COG5: variants seen among roughly 807,000 people sequenced by gnomAD.
COG5 encodes component of oligomeric golgi complex 5.
Under a neutral mutation model 110.4 loss-of-function variants are expected in COG5, and 86 were observed. That is an observed-to-expected ratio of 0.78 (90% CI 0.65 to 0.93). The LOEUF is 0.93. COG5 is among the 40% of genes least tolerant of loss of function. The pLI, the probability that COG5 is intolerant of heterozygous loss-of-function variation, is 0.00. For missense variants in COG5, 1,077 were observed against 987.0 expected, an observed-to-expected ratio of 1.09 and a Z score of -1.22; for synonymous variants, 360 against 334.6, an observed-to-expected ratio of 1.08 and a Z score of -0.83.
intron 10 of COG5, among the ~76,000 whole-genome samples, chr7:107,360,907 G>A (rs971334362): frequency 5.3e-5 from 8 of 152,222 alleles, no homozygotes; most frequent in African/African-American, 1.4e-4. Context: ...GGGCATGAGC[G>A]ATATTCAGGC....
chr7:107,394,720 G>A (rs913453721), intron 7 of COG5, among the ~76,000 whole-genome samples: 19 of 152,050 alleles, frequency 1.2e-4, no homozygotes, highest in African/African-American at 4.3e-4. Flanking sequence ...ATTGAAATTA[G>A]AAATAAAAAG....
intron 7 of COG5, among the ~76,000 whole-genome samples, chr7:107,392,101 A>C (rs901300382): frequency 6.6e-6 from 1 of 152,034 alleles, no homozygotes; most frequent in Admixed American, 6.5e-5. Flanking sequence ...CGCCCCTAAA[A>C]AACCATTATT....
intron 21 of COG5, chr7:107,209,252 G>A (rs1183458594): frequency 3.0e-6 from 3 of 985,108 alleles, no homozygotes; most frequent in Non-Finnish European, 3.6e-6. Flanking sequence ...AACAGAGTGG[G>A]TTTGAGGAAT....
At chr7:107,349,439 C>CAGTG (rs1206030006) in intron 10 of COG5, among the ~76,000 whole-genome samples, 1 of 152,106 alleles carries the variant, frequency 6.6e-6, no homozygotes, top group African/African-American at 2.4e-5. Context: ...TGCTCTGTCG[C>CAGTG]CCAGGCTGGA....
chr7:107,398,577 C>G lies in COG5; in HGVS notation c.669+13925G>C, dbSNP rs561718094. 2.6e-5 allele frequency among the ~76,000 whole-genome samples: 4 copies of G among 152,320 alleles called. No homozygotes were observed. The South Asian group carries it at 8.3e-4, about 32-fold the overall frequency. On this transcript the variant is annotated intron_variant, in intron 7 of 21. Transcript: ENST00000297135. The stretch of plus-strand genomic sequence containing the variant: ...ATCCCAAAACCACCACCTCTGCCCC[C>G]ACATGTGTGGAAAAACTGTCTTCCA...
At chr7:107,390,292 CA>C (rs1317869272) in intron 7 of COG5, among the ~76,000 whole-genome samples, 1 of 152,122 alleles carries the variant, frequency 6.6e-6, no homozygotes, top group African/African-American at 2.4e-5. Flanking sequence ...TCAGTACAAA[CA>C]GCTGCTTTTG....
intron 6 of COG5, among the ~76,000 whole-genome samples, chr7:107,426,704 A>T (rs1335118816): frequency 6.6e-6 from 1 of 152,118 alleles, no homozygotes. Flanking sequence ...TCAAAATATG[A>T]ATTTGGGGGA....
chr7:107,392,742 T>G (rs985278234), intron 7 of COG5, among the ~76,000 whole-genome samples: 6 of 152,060 alleles, frequency 3.9e-5, no homozygotes, highest in Non-Finnish European at 7.4e-5. Context: ...CACTGCTTTA[T>G]GAAAAAGTCA....
intron 6 of COG5, among the ~76,000 whole-genome samples, chr7:107,511,979 C>G (rs76159267): frequency 0.28 from 42,221 of 152,086 alleles, 5,909 homozygotes; most frequent in East Asian, 0.33. Flanking sequence ...CCTTTGAAAG[C>G]TGGCACAAGA....
At chr7:107,535,797 C>T (rs907531203) in intron 5 of COG5, among the ~76,000 whole-genome samples, 6 of 152,160 alleles carry the variant, frequency 3.9e-5, no homozygotes, top group Non-Finnish European at 2.9e-5. Context: ...AGACTCCTCC[C>T]TAACTCATTT....
intron 6 of COG5, among the ~76,000 whole-genome samples, chr7:107,448,338 CACCA>C (rs1389751510): frequency 6.6e-6 from 1 of 152,148 alleles, no homozygotes. Context: ...TTGCGGAGGT[CACCA>C]ACCATGTTTT....
intron 5 of COG5, among the ~76,000 whole-genome samples, chr7:107,532,500 C>A (rs1431930837): frequency 6.6e-6 from 1 of 152,142 alleles, no homozygotes; most frequent in Non-Finnish European, 1.5e-5. Context: ...ATAAAACATT[C>A]TCAGATTAAC....
intron 11 of COG5, among the ~76,000 whole-genome samples, chr7:107,322,655 G>T (rs1290946315): frequency 1.3e-5 from 2 of 152,070 alleles, no homozygotes. Context: ...ATCCATTTTG[G>T]ATTATAGCAC....
intron 3 of COG5, among the ~76,000 whole-genome samples, chr7:107,551,483 A>T (rs1420939616): frequency 1.3e-5 from 2 of 152,246 alleles, no homozygotes; most frequent in Non-Finnish European, 2.9e-5. Context: ...AATAAAGCAG[A>T]TGAAGTAGAA....
At chr7:107,260,081 T>C (rs956707743) in intron 14 of COG5, among the ~76,000 whole-genome samples, 1 of 150,108 alleles carries the variant, frequency 6.7e-6, no homozygotes, top group African/African-American at 2.4e-5. Context: ...TAGTGATATA[T>C]ATATATATAT....
intron 11 of COG5, among the ~76,000 whole-genome samples, chr7:107,320,582 A>C (rs1562967088): frequency 6.6e-6 from 1 of 152,182 alleles, no homozygotes; most frequent in African/African-American, 2.4e-5. Flanking sequence ...GTCATGATGC[A>C]TATCAAGGGT....
intron 16 of COG5, among the ~76,000 whole-genome samples, chr7:107,252,388 A>T (rs1333485510): frequency 6.6e-6 from 1 of 152,236 alleles, no homozygotes; most frequent in African/African-American, 2.4e-5. Context: ...CTATTAAATG[A>T]ATTAATGTGT....
At chr7:107,266,749 C>A (rs1803834305) in intron 14 of COG5, among the ~76,000 whole-genome samples, 1 of 152,010 alleles carries the variant, frequency 6.6e-6, no homozygotes, top group South Asian at 2.1e-4. Flanking sequence ...ATGTTAAAGC[C>A]GGGAGACTTT....
chr7:107,337,101 T>C (rs564284602), intron 10 of COG5, among the ~76,000 whole-genome samples: 22 of 152,026 alleles, frequency 1.4e-4, no homozygotes, highest in Admixed American at 5.9e-4. Flanking sequence ...CAACGAGATA[T>C]GACCTTACCC....
Sources: allele counts gnomAD v4.1 joint callset (sites outside exome capture counted in the v4.1 genomes callset), GRCh38; gene constraint gnomAD v4.1.1; transcripts MANE v1.5; gene names NCBI Gene and HGNC (gene_info 2026-07-23, HGNC 2026-07-21).